Variants in GOLGA7 observed in about 807,000 individuals in gnomAD.
GOLGA7 encodes the protein golgin subfamily A member 7.
A neutral mutation model predicts 21.1 loss-of-function variants in GOLGA7; 10 were observed. That is an observed-to-expected ratio of 0.47 (90% CI 0.29 to 0.80). The LOEUF (loss-of-function observed/expected upper bound fraction) is 0.80, where lower values mean the gene tolerates loss of function less well. GOLGA7 is among the 30% of genes least tolerant of loss of function. The pLI is 0.08. For synonymous variants in GOLGA7, 64 were observed against 62.6 expected (o/e 1.02, Z -0.10); for missense variants, 114 against 166.8 (o/e 0.68, Z 1.74).
chr8:41,495,058 G>A (rs933388722), intron 1 of GOLGA7, among the ~76,000 whole-genome samples: 5 of 151,508 alleles, frequency 3.3e-5, no homozygotes, highest in African/African-American at 1.2e-4. Context: ...ACAAAAATTA[G>A]TAGGGAATGG....
At chr8:41,506,751 C>T (rs879348370) in intron 3 of GOLGA7, among the ~76,000 whole-genome samples, 12 of 152,038 alleles carry the variant, frequency 7.9e-5, no homozygotes, top group Non-Finnish European at 1.2e-4. Context: ...AATTCATTAC[C>T]TCCATGGATT....
At chr8:41,504,957 T>C (rs1380192045) in intron 2 of GOLGA7, among the ~76,000 whole-genome samples, 1 of 152,228 alleles carries the variant, frequency 6.6e-6, no homozygotes, top group Non-Finnish European at 1.5e-5. Flanking sequence ...TATCATTTGC[T>C]AATAGTGTGA....
chr8:41,508,970 G>T (rs1172158873), intron 4 of GOLGA7, among the ~76,000 whole-genome samples: 1 of 152,184 alleles, frequency 6.6e-6, no homozygotes, highest in Non-Finnish European at 1.5e-5. Context: ...CAAACATGAG[G>T]ATGGCCTTTA....
intron 1 of GOLGA7, among the ~76,000 whole-genome samples, chr8:41,496,865 T>C (rs1806029207): frequency 7.4e-6 from 1 of 135,332 alleles, no homozygotes; most frequent in Non-Finnish European, 1.5e-5. Context: ...TGGAGTGCAG[T>C]GGCGCAGTCT....
chr8:41,496,792 G>C (rs1240718480), intron 1 of GOLGA7, among the ~76,000 whole-genome samples: 1 of 135,040 alleles, frequency 7.4e-6, no homozygotes, highest in Non-Finnish European at 1.6e-5. Flanking sequence ...ATAGTACCCT[G>C]TCAGTTTATT....
intron 2 of GOLGA7, among the ~76,000 whole-genome samples, chr8:41,497,901 T>C (rs1806059409): frequency 6.6e-6 from 1 of 152,246 alleles, no homozygotes; most frequent in Non-Finnish European, 1.5e-5. Flanking sequence ...TTAAGAAGAA[T>C]GTAGAAAATC....
chr8:41,499,421 C>T (rs1346135082), intron 2 of GOLGA7, among the ~76,000 whole-genome samples: 2 of 152,178 alleles, frequency 1.3e-5, no homozygotes, highest in African/African-American at 4.8e-5. Context: ...CCAGAAGAAT[C>T]GGATCACATG....
chr8:41,507,012 G>GTGTGT (rs1411189657), intron 3 of GOLGA7, 47 bp from the exon 4 acceptor site: 1 of 893,576 alleles, frequency 1.1e-6, no homozygotes, highest in Non-Finnish European at 1.9e-6. Context: ...GTCCCCCTTT[G>GTGTGT]TGTGTTGTGT....
At chr8:41,503,912 T>C (rs1439460264) in intron 2 of GOLGA7, among the ~76,000 whole-genome samples, 2 of 150,568 alleles carry the variant, frequency 1.3e-5, no homozygotes, top group Non-Finnish European at 2.9e-5. Context: ...TAGGTGGGAA[T>C]TGAACAATGA....
chr8:41,501,799 G>A (rs1585601868), intron 2 of GOLGA7, among the ~76,000 whole-genome samples: 1 of 152,140 alleles, frequency 6.6e-6, no homozygotes, highest in Non-Finnish European at 1.5e-5. Context: ...TTAGCCAGCC[G>A]CTAGTTTATT....
In GOLGA7 at chr8:41,490,625, T is replaced by G; in HGVS notation, c.-230T>G. 1 of 523,910 alleles carries G rather than the reference T, an allele frequency of 1.9e-6. No homozygotes were observed. The highest frequency in any genetic ancestry group is 3.4e-5 in the East Asian group (1 of 29,820). The allele number at this position is 523,910 out of a possible 1,614,324, so 32.5% of individuals were successfully genotyped here. On this transcript the variant is annotated 5_prime_UTR_variant, in exon 1 of 5. Coordinates refer to ENST00000357743, the MANE Select transcript of GOLGA7 (RefSeq NM_001002296.2). ...GGAGGGCAGAGGAGGCGGGTTTGTG[T>G]TTCCCGGGCCGAACCGGGTTGTGGG... is the stretch of plus-strand genomic sequence containing the variant.
In GOLGA7 at chr8:41,490,608, G is replaced by C. The variant is rs902653505; in HGVS notation, c.-247G>C. On this transcript the variant is annotated 5_prime_UTR_variant, in exon 1 of 5. Coordinates refer to ENST00000357743, the MANE Select transcript of GOLGA7 (RefSeq NM_001002296.2). The stretch of plus-strand genomic sequence containing the variant: ...GCGGTGCGACAGCAGCTGGAGGGCA[G>C]AGGAGGCGGGTTTGTGTTTCCCGGG... 4.0e-6 allele frequency: 2 copies of C among 506,236 alleles called. No homozygotes were observed. Among genetic ancestry groups the C allele is most frequent in the African/African-American group, 4.1e-5 (2 of 49,226 alleles). 31.4% of individuals were successfully genotyped at this position (506,236 alleles called of 1,614,324 possible). A position where few individuals can be genotyped will look rare whatever the true frequency, so the allele number is the denominator to read the frequency against.
chr8:41,492,660 C>A (rs1183443130), intron 1 of GOLGA7, among the ~76,000 whole-genome samples: 1 of 152,164 alleles, frequency 6.6e-6, no homozygotes, highest in Non-Finnish European at 1.5e-5. Context: ...AGACTCTTGT[C>A]TCAAAAAATA....
intron 4 of GOLGA7, among the ~76,000 whole-genome samples, chr8:41,508,999 A>T (rs1806356406): frequency 1.3e-5 from 2 of 152,258 alleles, no homozygotes; most frequent in Non-Finnish European, 2.9e-5. Context: ...AGGAGCTTTA[A>T]ACAAAAATGC....
At chr8:41,497,426 A>G (rs758331680) in intron 1 of GOLGA7, 83 bp from the exon 2 acceptor site, 43 of 778,574 alleles carry the variant, frequency 5.5e-5, no homozygotes, top group Middle Eastern at 8.1e-4. Flanking sequence ...GAATGGTGAG[A>G]AAACAAGATA....
At chr8:41,502,789 T>C (rs1806181026) in intron 2 of GOLGA7, 1 of 152,232 alleles carries the variant, frequency 6.6e-6, no homozygotes, top group Admixed American at 6.5e-5. Context: ...TGATTGTGTT[T>C]CACTTTGTAA....
At position 41,507,070 on chromosome 8, in the gene GOLGA7, C is replaced by T; in HGVS notation, c.378C>T (p.Thr126=). The T allele has an allele frequency of 7.3e-7, 1 of 1,362,930 alleles. No individual in the cohort carries two copies. Among genetic ancestry groups the T allele is most frequent in the Non-Finnish European group, 1.1e-6 (1 of 950,888 alleles). The allele number at this position is 1,362,930 out of a possible 1,614,324, so 84.4% of individuals were successfully genotyped here. ...IERGLRVIEI[T]IYEDRGMSSG... is the part of the protein sequence containing the mutation. ...GCCATGCTGTTTAGATTGAAATTAC[C>T]ATTTATGAAGACAGAGGCATGAGCA... is the stretch of plus-strand genomic sequence containing the variant. Residue 126 remains threonine (T), a synonymous_variant, in exon 4 of 5, where the codon ACC becomes ACT. Transcript: ENST00000357743.
At position 41,490,749 on chromosome 8, in the gene GOLGA7, G is replaced by A. The variant is rs561594895; in HGVS notation, c.-106G>A. 4 of 663,926 alleles carry A rather than the reference G, an allele frequency of 6.0e-6. No individual in the cohort carries two copies. Among genetic ancestry groups the A allele is most frequent in the South Asian group, 5.2e-5 (3 of 57,250 alleles). 41.1% of individuals were successfully genotyped at this position (663,926 alleles called of 1,614,324 possible). On this transcript the variant is annotated 5_prime_UTR_variant, in exon 1 of 5. Transcript: ENST00000357743. ...AGGCCTTGGGCTGTTTTCGGCGGCG[G>A]GTGGGGGCGAGGGGCTGGCGGGTCA...
At chr8:41,509,080 C>T (rs1449490210) in intron 4 of GOLGA7, among the ~76,000 whole-genome samples, 1 of 152,156 alleles carries the variant, frequency 6.6e-6, no homozygotes, top group East Asian at 1.9e-4. Context: ...GTTACATGCA[C>T]TGGTGTTTTC....
Sources: allele counts gnomAD v4.1 joint callset (sites outside exome capture counted in the v4.1 genomes callset), GRCh38; gene constraint gnomAD v4.1.1; transcripts MANE v1.5; gene names NCBI Gene and HGNC (gene_info 2026-07-23, HGNC 2026-07-21).